Variants in TEX26 observed in about 807,000 individuals in gnomAD.
TEX26 encodes the protein testis-expressed protein 26.
In TEX26, 34 loss-of-function variants were observed where a neutral mutation model predicts 35.3. The observed-to-expected ratio is 0.96, with a 90% CI of 0.73 to 1.28. TEX26 has a LOEUF of 1.28. Among genes scored for constraint, TEX26 ranks in the 50% most tolerant of loss-of-function variants. The probability of loss-of-function intolerance (pLI) is 0.00; values close to 1 mark genes in which losing one functional copy is unlikely to be tolerated. For missense variants in TEX26, 371 were observed against 330.1 expected, an observed-to-expected ratio of 1.12 and a Z score of -0.96; for synonymous variants, 136 against 111.8, an observed-to-expected ratio of 1.22 and a Z score of -1.36.
intron 2 of TEX26, among the ~76,000 whole-genome samples, chr13:30,945,761 G>A (rs924531948): frequency 5.3e-5 from 8 of 151,914 alleles, no homozygotes; most frequent in African/African-American, 1.9e-4. Flanking sequence ...GCTAAAGATA[G>A]GACCCCAATC....
At chr13:30,954,283 C>T (rs1210036799) in intron 3 of TEX26, among the ~76,000 whole-genome samples, 3 of 9,704 alleles carry the variant, frequency 3.1e-4, no homozygotes, top group South Asian at 2.3e-3. Flanking sequence ...CCTATACACA[C>T]ACACACACAC....
intron 1 of TEX26, among the ~76,000 whole-genome samples, chr13:30,938,717 C>T (rs1437119653): frequency 6.6e-6 from 1 of 152,234 alleles, no homozygotes; most frequent in Admixed American, 6.5e-5. Context: ...TGGCATCCTC[C>T]TGGAATCATC....
intron 6 of TEX26, chr13:30,973,603 A>G (rs12584733): frequency 2.2e-4 from 34 of 152,334 alleles, no homozygotes; most frequent in African/African-American, 7.9e-4. Context: ...TCACAAAAAC[A>G]AATAAATGAA....
Position 30,932,680 on chromosome 13 carries a change from T to G in TEX26, c.-36T>G, listed in dbSNP as rs1291360767. 3.1e-6 allele frequency: 5 copies of G among 1,605,490 alleles called. No homozygotes were observed. In the Admixed American group the frequency reaches 5.1e-5, roughly 16 times the overall value. On this transcript the variant is annotated 5_prime_UTR_variant, in exon 1 of 7. Transcript: ENST00000380473. Reference sequence around the variant, plus strand: ...CGGCTCCCGCAAGCGCTGAGATAGCTGGAGCCAGGGCCCCGCGGCCGCCTC... The same window carrying G: ...CGGCTCCCGCAAGCGCTGAGATAGCGGGAGCCAGGGCCCCGCGGCCGCCTC...
intron 6 of TEX26, among the ~76,000 whole-genome samples, chr13:30,971,633 A>G (rs1037428795): frequency 6.6e-6 from 1 of 152,236 alleles, no homozygotes; most frequent in Non-Finnish European, 1.5e-5. Flanking sequence ...TTTCATTTCC[A>G]CTAACTCCGT....
chr13:30,967,890 C>A (rs1159577511), intron 5 of TEX26, among the ~76,000 whole-genome samples: 1 of 152,200 alleles, frequency 6.6e-6, no homozygotes, highest in African/African-American at 2.4e-5. Context: ...ACTGTAAACA[C>A]CATCGTTCTT....
intron 2 of TEX26, among the ~76,000 whole-genome samples, chr13:30,950,795 G>A (rs753298871): frequency 2.6e-5 from 4 of 152,214 alleles, no homozygotes; most frequent in Non-Finnish European, 5.9e-5. Flanking sequence ...ACAAGGAGGT[G>A]TCTGTGAAAT....
intron 6 of TEX26, among the ~76,000 whole-genome samples, chr13:30,972,000 G>A (rs1051429485): frequency 1.3e-5 from 2 of 152,180 alleles, no homozygotes; most frequent in African/African-American, 2.4e-5. Context: ...GAAATGCTCA[G>A]TTGATACAAA....
Position 30,974,131 on chromosome 13 carries a change from A to AAAAAAATATAT in TEX26, c.809-714_809-713insAAAAATATATA. On this transcript the variant is annotated intron_variant, in intron 6 of 6. Coordinates refer to ENST00000380473, the MANE Select transcript of TEX26 (RefSeq NM_152325.3). Reference sequence around the variant, plus strand: ...GTGAGCCTCCATCTAAAAAAAAAAAAATATATATATATATATATATATATA... The same window carrying AAAAAAATATAT: ...GTGAGCCTCCATCTAAAAAAAAAAAAAAAAAATATATATATATATATATATATATATATATA... Among the ~76,000 whole-genome samples the AAAAAAATATAT allele has an allele frequency of 2.1e-3, 175 of 84,400 alleles. No homozygotes were observed. The Middle Eastern group carries it at 0.026, about 13-fold the overall frequency. 55.4% of individuals were successfully genotyped at this position (84,400 alleles called of 152,430 possible).
chr13:30,970,655 A>G (rs1176036297), intron 6 of TEX26, among the ~76,000 whole-genome samples: 3 of 152,188 alleles, frequency 2.0e-5, no homozygotes, highest in Non-Finnish European at 2.9e-5. Flanking sequence ...AGATGCTCCC[A>G]TCTGCCCAGG....
chr13:30,969,337 C>T (rs1310178385), intron 6 of TEX26, among the ~76,000 whole-genome samples: 1 of 152,148 alleles, frequency 6.6e-6, no homozygotes, highest in Non-Finnish European at 1.5e-5. Context: ...GATGATTCCT[C>T]TTTTTCTTAG....
chr13:30,940,712 A>G (rs1313132857), intron 2 of TEX26, among the ~76,000 whole-genome samples: 1 of 152,040 alleles, frequency 6.6e-6, no homozygotes, highest in Non-Finnish European at 1.5e-5. Flanking sequence ...CATTCTGTGA[A>G]TTGTGTCCAG....
At position 30,966,361 on chromosome 13, in the gene TEX26, A is replaced by G. The variant is rs36150943; in HGVS notation, c.609A>G (p.Gly203=). The change falls in exon 5 of 7, where the codon GGA becomes GGG. Residue 203 remains glycine, a synonymous_variant. Coordinates refer to ENST00000380473, the MANE Select transcript of TEX26 (RefSeq NM_152325.3). ...PELQDFSFKY[G]CYSSLPVASQ... is the part of the protein sequence containing the mutation. ...TTCAAGATTTCAGTTTCAAATATGGATGCTACTCAAGCTTGCCTGTTGCTT... is the reference window on the plus strand; with the variant it reads ...TTCAAGATTTCAGTTTCAAATATGGGTGCTACTCAAGCTTGCCTGTTGCTT... 11 of 1,611,056 alleles carry G rather than the reference A, an allele frequency of 6.8e-6. No homozygotes were observed. The highest frequency in any genetic ancestry group is 6.8e-6 in the Non-Finnish European group (8 of 1,178,224).
At chr13:30,951,820 A>C (rs1209595892) in intron 2 of TEX26, among the ~76,000 whole-genome samples, 1 of 151,992 alleles carries the variant, frequency 6.6e-6, no homozygotes, top group Admixed American at 6.6e-5. Flanking sequence ...AAATCTCTCC[A>C]ATTGTCTCAT....
chr13:30,952,779 CTG>C lies in TEX26; in HGVS notation c.267_268del (p.Glu90AspfsTer14), dbSNP rs1481875950. ...CACTCTAAAGAAGATTTGATCAAAA[CTG>C]AGACTTCAAGAGGAATCAAGAGCCA... On this transcript the variant is annotated frameshift_variant, in exon 3 of 7. Transcript: ENST00000380473. LOFTEE classifies it high-confidence loss of function. The C allele has an allele frequency of 1.2e-6, 2 of 1,612,848 alleles. No individual in the cohort carries two copies. The highest frequency in any genetic ancestry group is 4.5e-5 in the East Asian group (2 of 44,714).
At chr13:30,954,749 T>C (rs1246128939) in intron 3 of TEX26, among the ~76,000 whole-genome samples, 1 of 152,242 alleles carries the variant, frequency 6.6e-6, no homozygotes, top group East Asian at 1.9e-4. Flanking sequence ...TGAGACACTA[T>C]GCTTGGTCAT....
chr13:30,962,379 C>T (rs1954377924), intron 4 of TEX26, among the ~76,000 whole-genome samples: 1 of 152,218 alleles, frequency 6.6e-6, no homozygotes, highest in Admixed American at 6.5e-5. Context: ...CCTCCGCATA[C>T]CTCCATGCCT....
At chr13:30,969,595 G>A (rs1182494944) in intron 6 of TEX26, among the ~76,000 whole-genome samples, 3 of 152,064 alleles carry the variant, frequency 2.0e-5, no homozygotes, top group African/African-American at 7.3e-5. Context: ...AGGGGCAACA[G>A]GTCAGTCTGA....
At chr13:30,967,076 A>G (rs956185902) in intron 5 of TEX26, among the ~76,000 whole-genome samples, 1 of 152,206 alleles carries the variant, frequency 6.6e-6, no homozygotes, top group Non-Finnish European at 1.5e-5. Flanking sequence ...GTGGGAATCC[A>G]GTTTAGTCTC....
Sources: allele counts gnomAD v4.1 joint callset (sites outside exome capture counted in the v4.1 genomes callset), GRCh38; gene constraint gnomAD v4.1.1; transcripts MANE v1.5; gene names NCBI Gene and HGNC (gene_info 2026-07-23, HGNC 2026-07-21).